ITGA11: variants seen among roughly 807,000 people sequenced by gnomAD.
ITGA11 encodes integrin alpha-11.
A neutral mutation model predicts 141.9 loss-of-function variants in ITGA11; 97 were observed. The ratio of observed to expected loss-of-function variants is 0.68; its 90% confidence interval spans 0.58 to 0.81. ITGA11 has a LOEUF of 0.81. ITGA11 is among the 30% of genes least tolerant of loss of function. The pLI, the probability that ITGA11 is intolerant of heterozygous loss-of-function variation, is 0.00. For synonymous variants in ITGA11, 658 were observed against 624.6 expected, an observed-to-expected ratio of 1.05 and a Z score of -0.80; for missense variants, 1,387 against 1,559.2, an observed-to-expected ratio of 0.89 and a Z score of 1.86.
chr15:68,365,129 A>G (rs1368089965), intron 3 of ITGA11: 1 of 985,068 alleles, frequency 1.0e-6, no homozygotes, highest in African/African-American at 1.7e-5. Flanking sequence ...GCCCCCAAGC[A>G]TGCCATGGCA....
Position 68,307,450 on chromosome 15 carries a change from A to C in ITGA11, c.3286-7T>G. On this transcript the variant is annotated splice_region_variant and splice_polypyrimidine_tract_variant and intron_variant, in intron 27 of 29. Transcript: ENST00000315757. This position sits in a 1 kb window ranked among gnomAD's most constrained non-coding sequence, Gnocchi z 6.1. ...TCATGGATTTGTACTTGAGCTGTGC[A>C]ATCAGAGGGCTCGTCAGAAGCTGGC... The C allele has an allele frequency of 6.4e-7, 1 of 1,554,380 alleles. No individual in the cohort carries two copies. The highest frequency in any genetic ancestry group is 8.7e-7 in the Non-Finnish European group (1 of 1,147,900).
chr15:68,355,601 C>T (rs554274006), intron 7 of ITGA11, among the ~76,000 whole-genome samples: 1 of 151,968 alleles, frequency 6.6e-6, no homozygotes, highest in Admixed American at 6.6e-5. Context: ...CATGTACCAC[C>T]ATGCCTGGCT....
Position 68,313,806 on chromosome 15 carries a change from T to G in ITGA11, c.2855A>C (p.Lys952Thr). The G allele has an allele frequency of 6.2e-7, 1 of 1,613,940 alleles. No homozygotes were observed. Among genetic ancestry groups the G allele is most frequent in the Non-Finnish European group, 8.5e-7 (1 of 1,179,858 alleles). ...DNVAPLRFHL[K>T]YEADVLFTRS... is the part of the protein sequence containing the mutation. ...GGTGAAGAGGACGTCAGCCTCGTAT[T>G]TGAGGTGGAAGCGTAAGGGGGCCAC... The change falls in exon 23 of 30, where the codon AAA (lysine) becomes ACA (threonine). Residue 952 changes from lysine (K) to threonine (T), a missense_variant. Physicochemically the swap from Lys to Thr is moderately conservative, Grantham distance 78. Transcript: ENST00000315757.
Position 68,322,728 on chromosome 15 carries a change from C to T in ITGA11, c.2323-1225G>A, listed in dbSNP as rs950747802. Among the ~76,000 whole-genome samples, 3 of 151,754 alleles carry T rather than the reference C, an allele frequency of 2.0e-5. No homozygotes were observed. The highest frequency in any genetic ancestry group is 4.8e-5 in the African/African-American group (2 of 41,364). On this transcript the variant is annotated intron_variant, in intron 18 of 29. Coordinates refer to ENST00000315757, the MANE Select transcript of ITGA11 (RefSeq NM_001004439.2). The surrounding 1 kb of genome is among the most constrained non-coding windows in gnomAD (Gnocchi z 5.6). ...CTAAAAAATACAAAAATTAGCTGGG[C>T]GCAGTGGCTGCAGTCCCAGCTACTC...
Position 68,361,659 on chromosome 15 carries a change from T to G in ITGA11, c.403A>C (p.Thr135Pro). 3.1e-6 allele frequency: 5 copies of G among 1,610,426 alleles called. No individual in the cohort carries two copies. Among genetic ancestry groups the G allele is most frequent in the Non-Finnish European group, 4.2e-6 (5 of 1,178,350 alleles). ...TTGACTCTTGAACACATCCCTGTGG[T>G]GTAGTAGGAGCTCCCACACTCATGA... ...WSHECGSSYY[T>P]TGMCSRVNSN... Residue 135 changes from threonine (T) to proline (P), a missense_variant, in exon 5 of 30, where the codon ACC becomes CCC. Transcript: ENST00000315757.
chr15:68,320,300 G>C lies in ITGA11; in HGVS notation c.2501C>G (p.Thr834Arg). The C allele has an allele frequency of 1.2e-6, 2 of 1,613,990 alleles. No individual in the cohort carries two copies. The highest frequency in any genetic ancestry group is 1.7e-6 in the Non-Finnish European group (2 of 1,179,850). The change falls in exon 20 of 30, where the codon ACA becomes AGA. Residue 834 changes from threonine to arginine, a missense_variant. Thr to Arg is a moderately conservative substitution (Grantham distance 71, BLOSUM62 -1). Transcript: ENST00000315757. ...GGCCTCCACCGCCACTCGCTGGCGT[G>C]TGCTCTCTATGATGAAGACTGTGGT... Reference protein sequence around the residue: ...FDTTVFIIESTRQRVAVEATL... With the variant: ...FDTTVFIIESRRQRVAVEATL...
intron 5 of ITGA11, among the ~76,000 whole-genome samples, chr15:68,360,200 T>C (rs1407440529): frequency 6.6e-6 from 1 of 152,232 alleles, no homozygotes; most frequent in Non-Finnish European, 1.5e-5. Context: ...ACATGTGGAC[T>C]GAGCACCTGC....
intron 3 of ITGA11, chr15:68,365,319 C>T (rs532590886): frequency 9.1e-6 from 9 of 985,440 alleles, no homozygotes; most frequent in Middle Eastern, 5.2e-4. Context: ...GCCAACTCAA[C>T]GAGAGCCTTC....
At chr15:68,421,779 T>C (rs925624602) in intron 1 of ITGA11, among the ~76,000 whole-genome samples, 6 of 152,034 alleles carry the variant, frequency 3.9e-5, no homozygotes, top group Admixed American at 3.9e-4. Flanking sequence ...AGAGAGGACA[T>C]TATGTAGCCC....
intron 10 of ITGA11, among the ~76,000 whole-genome samples, chr15:68,345,820 C>T (rs1016254271): frequency 2.0e-5 from 3 of 152,192 alleles, no homozygotes; most frequent in Non-Finnish European, 4.4e-5. Flanking sequence ...AGGAGTTGGA[C>T]TCCTGGGGAC....
chr15:68,346,148 A>C (rs1894736697), intron 10 of ITGA11, among the ~76,000 whole-genome samples: 1 of 152,120 alleles, frequency 6.6e-6, no homozygotes, highest in South Asian at 2.1e-4. Flanking sequence ...GGGAGAGGCA[A>C]GCTGCATCCC....
chr15:68,362,418 ACTTT>A (rs924758627), intron 4 of ITGA11, among the ~76,000 whole-genome samples: 5 of 152,212 alleles, frequency 3.3e-5, no homozygotes, highest in South Asian at 2.1e-4. Flanking sequence ...TTCTTTAATT[ACTTT>A]CTTTTTAAGC....
At chr15:68,396,038 T>A (rs1485833168) in intron 2 of ITGA11, among the ~76,000 whole-genome samples, 1 of 152,016 alleles carries the variant, frequency 6.6e-6, no homozygotes, top group Non-Finnish European at 1.5e-5. Context: ...TAGCACATTT[T>A]ATGAGCTCTG....
At chr15:68,372,228 T>A (rs549904932) in intron 2 of ITGA11, among the ~76,000 whole-genome samples, 34 of 152,270 alleles carry the variant, frequency 2.2e-4, no homozygotes, top group African/African-American at 8.2e-4. Context: ...TTGGAGGACA[T>A]GATTCAGTCC....
At position 68,299,716 on chromosome 15, in the gene ITGA11, G is replaced by A. The variant is rs1892984054; in HGVS notation, c.*3343C>T. On this transcript the variant is annotated 3_prime_UTR_variant, in exon 30 of 30. Transcript: ENST00000315757. The stretch of plus-strand genomic sequence containing the variant: ...GCCAGGGGACTGACTCAAGTCTAAT[G>A]TCTTATTCTCAGACAGTATTGATGC... The A allele has an allele frequency of 6.6e-6, 1 of 152,198 alleles. No individual in the cohort carries two copies. The highest frequency in any genetic ancestry group is 6.5e-5 in the Admixed American group (1 of 15,284). 9.4% of individuals were successfully genotyped at this position (152,198 alleles called of 1,614,324 possible).
chr15:68,344,715 C>T (rs913235100), intron 10 of ITGA11, among the ~76,000 whole-genome samples: 3 of 152,126 alleles, frequency 2.0e-5, no homozygotes, highest in African/African-American at 4.8e-5. Context: ...TGAACTTGAC[C>T]TGCTTCATAA....
chr15:68,396,217 C>A (rs1170521764), intron 2 of ITGA11, among the ~76,000 whole-genome samples: 1 of 151,594 alleles, frequency 6.6e-6, no homozygotes, highest in Non-Finnish European at 1.5e-5. Flanking sequence ...CCCAGGAATG[C>A]AAGTTGGTTT....
At chr15:68,349,239 A>G (rs1011387112) in intron 9 of ITGA11, among the ~76,000 whole-genome samples, 5 of 152,256 alleles carry the variant, frequency 3.3e-5, no homozygotes, top group African/African-American at 9.6e-5. Flanking sequence ...AAAAGTGCAC[A>G]GAAATAGTGT....
intron 3 of ITGA11, 129 bp downstream of exon 3, chr15:68,369,055 A>C: frequency 2.5e-5 from 17 of 673,946 alleles, no homozygotes; most frequent in Non-Finnish European, 4.0e-5. Flanking sequence ...GGGCAGTGAT[A>C]TCAGCTGGGT....
Sources: allele counts gnomAD v4.1 joint callset (sites outside exome capture counted in the v4.1 genomes callset), GRCh38; gene constraint gnomAD v4.1.1; non-coding constraint Gnocchi (gnomAD v3.1); transcripts MANE v1.5; gene names NCBI Gene and HGNC (gene_info 2026-07-23, HGNC 2026-07-21).